JAK1: variants seen among roughly 807,000 people sequenced by gnomAD.
The protein encoded by JAK1 is Janus kinase 1, also known as tyrosine-protein kinase JAK1.
JAK1 carries 16 observed loss-of-function variants against 136.6 expected under a neutral mutation model. The observed-to-expected ratio is 0.12, with a 90% confidence interval of 0.08 to 0.18. The LOEUF (loss-of-function observed/expected upper bound fraction) is 0.18, where lower values mean the gene tolerates loss of function less well. Ranked by LOEUF, JAK1 falls within the 10% of genes least tolerant of loss-of-function variation. The probability of loss-of-function intolerance (pLI) is 1.00; values close to 1 mark genes in which losing one functional copy is unlikely to be tolerated. For synonymous variants in JAK1, 492 were observed against 519.5 expected (o/e 0.95, Z 0.72); for missense variants, 859 against 1,450.1 (o/e 0.59, Z 6.62).
intron 1 of JAK1, among the ~76,000 whole-genome samples, chr1:64,907,807 C>T (rs1433457426): frequency 6.6e-6 from 1 of 152,140 alleles, no homozygotes; most frequent in African/African-American, 2.4e-5. Flanking sequence ...TGTAATAAAA[C>T]ACATACTACT....
intron 1 of JAK1, among the ~76,000 whole-genome samples, chr1:65,064,316 A>G (rs1647948736): frequency 6.6e-6 from 1 of 152,156 alleles, no homozygotes; most frequent in South Asian, 2.1e-4. Context: ...AGTGGCTACC[A>G]TATTAGGGCA....
chr1:64,986,334 T>C (rs1646599471), intron 2 of JAK1, among the ~76,000 whole-genome samples: 2 of 152,144 alleles, frequency 1.3e-5, no homozygotes, highest in Non-Finnish European at 1.5e-5. Flanking sequence ...CTCGAACTCC[T>C]GACTTCAGGT....
intron 9 of JAK1, 69 bp downstream of exon 9, chr1:64,860,036 G>T: frequency 7.6e-7 from 1 of 1,312,062 alleles, no homozygotes; most frequent in Non-Finnish European, 1.0e-6. Flanking sequence ...AAACAATGAT[G>T]ACATGCCCCA....
chr1:64,918,581 A>C (rs775609605), intron 1 of JAK1: 5 of 166,804 alleles, frequency 3.0e-5, no homozygotes, highest in Admixed American at 6.2e-5. Flanking sequence ...GGCCAGAAAG[A>C]ATGACCCAGG....
chr1:64,988,773 C>T (rs1646623694), intron 2 of JAK1, among the ~76,000 whole-genome samples: 2 of 151,802 alleles, frequency 1.3e-5, no homozygotes, highest in African/African-American at 4.8e-5. Flanking sequence ...CCTGTAGTCC[C>T]AACTACTGGG....
intron 12 of JAK1, among the ~76,000 whole-genome samples, chr1:64,850,196 A>C (rs58741704): frequency 0.022 from 3,277 of 152,228 alleles, 131 homozygotes; most frequent in African/African-American, 0.076. Flanking sequence ...GGCAGAACAG[A>C]AAGTGGGCTT....
intron 5 of JAK1, among the ~76,000 whole-genome samples, chr1:64,872,327 A>G (rs1173089481): frequency 1.3e-5 from 2 of 152,172 alleles, no homozygotes; most frequent in African/African-American, 2.4e-5. Context: ...CATGGAAGAA[A>G]TAGTCCCCCA....
At chr1:65,064,791 AAAC>A (rs1466807418) in intron 1 of JAK1, among the ~76,000 whole-genome samples, 1 of 152,202 alleles carries the variant, frequency 6.6e-6, no homozygotes, top group Non-Finnish European at 1.5e-5. Flanking sequence ...TAGCTTCCTG[AAAC>A]AACCTTCTCT....
chr1:65,025,177 C>T (rs1497059), intron 2 of JAK1, among the ~76,000 whole-genome samples: 6,573 of 152,192 alleles, frequency 0.043, 264 homozygotes, highest in Admixed American at 0.14. Flanking sequence ...AAAAGACTTA[C>T]GGGTCCTGAC....
chr1:65,049,531 A>G (rs768009764), intron 1 of JAK1, among the ~76,000 whole-genome samples: 4 of 152,130 alleles, frequency 2.6e-5, no homozygotes, highest in Non-Finnish European at 5.9e-5. Flanking sequence ...AGAACCACCC[A>G]CCTTGGTGGG....
chr1:64,841,658 G>T (rs1007354934), intron 17 of JAK1, 57 bp from the exon 18 acceptor site: 2 of 1,588,146 alleles, frequency 1.3e-6, no homozygotes, highest in East Asian at 2.2e-5. Flanking sequence ...AAACTTCTCA[G>T]CCCCAGGTCA....
At chr1:64,854,183 C>G (rs1480902628) in intron 11 of JAK1, among the ~76,000 whole-genome samples, 1 of 152,206 alleles carries the variant, frequency 6.6e-6, no homozygotes, top group Non-Finnish European at 1.5e-5. Flanking sequence ...AAAACTGATT[C>G]AAACATCAAG....
At chr1:64,902,824 T>C (rs1645132103) in intron 1 of JAK1, among the ~76,000 whole-genome samples, 1 of 152,118 alleles carries the variant, frequency 6.6e-6, no homozygotes, top group African/African-American at 2.4e-5. Flanking sequence ...AATTTTTAGC[T>C]GTGCACAAGA....
chr1:64,906,337 T>C (rs1251586555), intron 1 of JAK1, among the ~76,000 whole-genome samples: 2 of 151,310 alleles, frequency 1.3e-5, no homozygotes, highest in Non-Finnish European at 2.9e-5. Context: ...CTCTTCAGCA[T>C]CTCTACTTGG....
At chr1:64,962,909 A>T (rs2100637892) in intron 1 of JAK1, among the ~76,000 whole-genome samples, 1 of 152,178 alleles carries the variant, frequency 6.6e-6, no homozygotes, top group Non-Finnish European at 1.5e-5. Flanking sequence ...CTCTACTAAA[A>T]AACAACACAA....
At chr1:64,917,966 A>C (rs1347904605) in intron 1 of JAK1, among the ~76,000 whole-genome samples, 1 of 152,190 alleles carries the variant, frequency 6.6e-6, no homozygotes, top group Admixed American at 6.5e-5. Context: ...GTTCAGACAC[A>C]GGGGTAATGA....
At chr1:64,974,499 A>G (rs1024512888) in intron 2 of JAK1, 2 of 152,252 alleles carry the variant, frequency 1.3e-5, no homozygotes, top group Non-Finnish European at 2.9e-5. Context: ...GAAGGTATAT[A>G]TAAACTAACC....
upstream of JAK1, among the ~76,000 whole-genome samples, chr1:64,970,134 C>CAAAAAA (rs1232133832): frequency 0.83 from 40,972 of 49,364 alleles, 18,889 homozygotes; most frequent in Non-Finnish European, 0.89. Flanking sequence ...GACCCTGTCT[C>CAAAAAA]AAAAAAAAAA....
intron 1 of JAK1, among the ~76,000 whole-genome samples, chr1:65,054,512 G>T (rs748577148): frequency 2.6e-4 from 39 of 151,698 alleles, no homozygotes; most frequent in Admixed American, 5.9e-4. Context: ...ATTACCTGAG[G>T]ATTCACCAAT....
Sources: allele counts gnomAD v4.1 joint callset (sites outside exome capture counted in the v4.1 genomes callset), GRCh38; gene constraint gnomAD v4.1.1; transcripts MANE v1.5; gene names NCBI Gene and HGNC (gene_info 2026-07-23, HGNC 2026-07-21).